GFRA1: variants seen among roughly 807,000 people sequenced by gnomAD.
GFRA1 encodes GDNF family receptor alpha 1, also known as GDNF family receptor alpha-1.
GFRA1 carries 16 observed loss-of-function variants against 51.6 expected under a neutral mutation model. That is an observed-to-expected ratio of 0.31 (90% confidence interval 0.21 to 0.47). The LOEUF (loss-of-function observed/expected upper bound fraction) is 0.47, where lower values mean the gene tolerates loss of function less well. Ranked by LOEUF, GFRA1 falls within the 20% of genes least tolerant of loss-of-function variation. GFRA1 has a pLI of 1.00. For missense variants in GFRA1, 530 were observed against 594.3 expected (o/e 0.89, Z 1.13); for synonymous variants, 270 against 241.3 (o/e 1.12, Z -1.10).
At position 116,160,399 on chromosome 10, in the gene GFRA1, A is replaced by T. The variant is rs184753827; in HGVS notation, c.434-34842T>A. Among the ~76,000 whole-genome samples, 7 of 152,366 alleles carry T rather than the reference A, an allele frequency of 4.6e-5. No individual in the cohort carries two copies. The South Asian group carries it at 1.4e-3, about 32-fold the overall frequency. ...ACTTTCCCATAATAGTTATTTCGGT[A>T]TATGTCTTGTTTCTGCAATCAGTCA... is the stretch of plus-strand genomic sequence containing the variant. On this transcript the variant is annotated intron_variant, in intron 5 of 10. Transcript: ENST00000355422.
intron 6 of GFRA1, among the ~76,000 whole-genome samples, chr10:116,117,203 T>C (rs1369156143): frequency 6.6e-6 from 1 of 152,192 alleles, no homozygotes; most frequent in Non-Finnish European, 1.5e-5. Context: ...GTGATCATCA[T>C]CAGCACCCAG....
At chr10:116,073,272 T>C (rs1226351168) in intron 9 of GFRA1, among the ~76,000 whole-genome samples, 1 of 152,228 alleles carries the variant, frequency 6.6e-6, no homozygotes, top group Non-Finnish European at 1.5e-5. Flanking sequence ...GTCTACAGCA[T>C]AGAGCTTCAC....
intron 4 of GFRA1, among the ~76,000 whole-genome samples, chr10:116,239,445 G>C (rs995386601): frequency 2.0e-5 from 3 of 152,126 alleles, no homozygotes; most frequent in Admixed American, 6.5e-5. Flanking sequence ...ATAAATAATG[G>C]AAATTTTGTT....
intron 5 of GFRA1, among the ~76,000 whole-genome samples, chr10:116,173,386 T>G (rs1219730521): frequency 6.6e-6 from 1 of 152,086 alleles, no homozygotes; most frequent in African/African-American, 2.4e-5. Flanking sequence ...ATTTGACAGA[T>G]AAAGACAATG....
chr10:116,265,796 G>A (rs1589924525), intron 4 of GFRA1, among the ~76,000 whole-genome samples: 1 of 152,140 alleles, frequency 6.6e-6, no homozygotes, highest in Non-Finnish European at 1.5e-5. Context: ...TTGCACCGGC[G>A]CACTTTCTCC....
At chr10:116,127,538 G>T (rs992706180) in intron 5 of GFRA1, among the ~76,000 whole-genome samples, 1 of 152,218 alleles carries the variant, frequency 6.6e-6, no homozygotes, top group Admixed American at 6.5e-5. Flanking sequence ...CTTGGGTGTG[G>T]AGTACAGGAA....
chr10:116,194,540 G>T (rs1344549619), intron 5 of GFRA1, among the ~76,000 whole-genome samples: 2 of 152,122 alleles, frequency 1.3e-5, no homozygotes, highest in Admixed American at 1.3e-4. Context: ...CGAGAGCTGG[G>T]TTTCTGAATG....
chr10:116,252,663 C>T (rs10885889), intron 4 of GFRA1, among the ~76,000 whole-genome samples: 56,594 of 152,062 alleles, frequency 0.37, 11,848 homozygotes, highest in Non-Finnish European at 0.49. Flanking sequence ...GACCAGCACA[C>T]GGACTACCTG....
At chr10:116,065,510 C>T (rs1180168390) in intron 10 of GFRA1, 63 bp downstream of exon 10, 2 of 1,325,828 alleles carry the variant, frequency 1.5e-6, no homozygotes, top group African/African-American at 1.4e-5. Context: ...GATACCCTGC[C>T]CCCAGGGGCC....
chr10:116,149,291 T>C (rs1259684927), intron 5 of GFRA1, among the ~76,000 whole-genome samples: 4 of 152,326 alleles, frequency 2.6e-5, no homozygotes, highest in South Asian at 2.1e-4. Context: ...TTAGAAAATA[T>C]GGCCTGCAGA....
Position 116,089,882 on chromosome 10 carries a change from G to A in GFRA1, c.1056C>T (p.Thr352=), listed in dbSNP as rs758446157. 3.1e-6 allele frequency: 5 copies of A among 1,614,038 alleles called. No homozygotes were observed. Among genetic ancestry groups the A allele is most frequent in the East Asian group, 2.2e-5 (1 of 44,868 alleles). ...IQAFGNGSDV[T]VWQPAFPVQT... is the part of the protein sequence containing the mutation. ...GTACTGGGAAGGCTGGCTGCCACACGGTCACATCGGAGCCATTGCCAAAGG... is the reference window on the plus strand; with the variant it reads ...GTACTGGGAAGGCTGGCTGCCACACAGTCACATCGGAGCCATTGCCAAAGG... Residue 352 remains threonine, a synonymous_variant, in exon 9 of 11, where the codon ACC becomes ACT. Coordinates refer to ENST00000355422, the MANE Select transcript of GFRA1 (RefSeq NM_005264.8).
intron 9 of GFRA1, among the ~76,000 whole-genome samples, chr10:116,085,548 A>C (rs769825816): frequency 6.6e-6 from 1 of 152,192 alleles, no homozygotes; most frequent in Admixed American, 6.5e-5. Context: ...ATGATAATTC[A>C]TCTGGAGACA....
chr10:116,252,418 C>T (rs1968458518), intron 4 of GFRA1, among the ~76,000 whole-genome samples: 1 of 152,170 alleles, frequency 6.6e-6, no homozygotes, highest in African/African-American at 2.4e-5. Flanking sequence ...AGGTCAATTG[C>T]CGCCCTCACA....
At chr10:116,159,579 G>T (rs1455718079) in intron 5 of GFRA1, among the ~76,000 whole-genome samples, 1 of 152,190 alleles carries the variant, frequency 6.6e-6, no homozygotes, top group East Asian at 1.9e-4. Flanking sequence ...AAAGTGTAAG[G>T]TTCAGTGTTT....
chr10:116,166,958 C>G (rs1050220390), intron 5 of GFRA1, among the ~76,000 whole-genome samples: 1 of 151,786 alleles, frequency 6.6e-6, no homozygotes, highest in Non-Finnish European at 1.5e-5. Flanking sequence ...CGCCTCCACA[C>G]CCGGCTAATT....
chr10:116,147,556 T>G (rs1195657522), intron 5 of GFRA1, among the ~76,000 whole-genome samples: 1 of 100,244 alleles, frequency 1.0e-5, no homozygotes. Context: ...CTAGTGTGAC[T>G]CTGTCACCAC....
intron 5 of GFRA1, among the ~76,000 whole-genome samples, chr10:116,177,580 G>A (rs993822102): frequency 2.0e-5 from 3 of 152,134 alleles, no homozygotes; most frequent in African/African-American, 7.2e-5. Context: ...CCTGGGAGCA[G>A]ATGAGAGTAT....
At chr10:116,167,342 C>A (rs528934944) in intron 5 of GFRA1, among the ~76,000 whole-genome samples, 1 of 152,066 alleles carries the variant, frequency 6.6e-6, no homozygotes, top group African/African-American at 2.4e-5. Context: ...TCCCTTTGCC[C>A]CTCCGTATTT....
At chr10:116,196,652 A>G (rs1963848847) in intron 5 of GFRA1, among the ~76,000 whole-genome samples, 2 of 3,336 alleles carry the variant, frequency 6.0e-4, no homozygotes, top group African/African-American at 1.6e-3. Flanking sequence ...TATATAATAT[A>G]TATATAGTAC....
Sources: gnomAD v4.1 joint callset for allele counts (sites outside exome capture counted in the v4.1 genomes callset) on GRCh38, gnomAD v4.1.1 for gene constraint, MANE v1.5 for transcripts, NCBI Gene and HGNC (gene_info 2026-07-23, HGNC 2026-07-21) for gene names.